MACO1: variants seen among roughly 807,000 people sequenced by gnomAD.
MACO1 encodes macoilin.
Under a neutral mutation model 78.7 loss-of-function variants are expected in MACO1, and 14 were observed. The observed-to-expected ratio is 0.18, with a 90% confidence interval of 0.12 to 0.28. MACO1 has a LOEUF of 0.28. Ranked by LOEUF, MACO1 falls within the 10% of genes least tolerant of loss-of-function variation. The pLI is 1.00. For missense variants in MACO1, 501 were observed against 799.0 expected (o/e 0.63, Z 4.50); for synonymous variants, 288 against 291.6 (o/e 0.99, Z 0.12).
chr1:25,454,119 T>C, intron 3 of MACO1, 140 bp from the exon 4 acceptor site: 1 of 1,001,088 alleles, frequency 1.0e-6, no homozygotes, highest in Non-Finnish European at 1.3e-6. Flanking sequence ...AAGCTTTCAG[T>C]TTGGATCAGT....
intron 3 of MACO1, among the ~76,000 whole-genome samples, chr1:25,452,201 T>TA: frequency 6.6e-6 from 1 of 152,280 alleles, no homozygotes; most frequent in Admixed American, 6.5e-5. Flanking sequence ...AGTTTGAAGA[T>TA]ACTATGATTT....
At chr1:25,480,929 A>AATATATATATATAT (rs202050214) in intron 6 of MACO1, among the ~76,000 whole-genome samples, 3 of 47,886 alleles carry the variant, frequency 6.3e-5, no homozygotes, top group Admixed American at 3.1e-4. Flanking sequence ...AAAAAAAAAA[A>AATATATATATATAT]ATATATATAT....
chr1:25,445,953 C>A (rs1014137303), intron 1 of MACO1, among the ~76,000 whole-genome samples: 1 of 152,106 alleles, frequency 6.6e-6, no homozygotes, highest in Admixed American at 6.5e-5. Context: ...GGAAAATTGA[C>A]CTATAGAGTA....
At chr1:25,469,050 C>G (rs2043243965) in intron 6 of MACO1, among the ~76,000 whole-genome samples, 1 of 151,592 alleles carries the variant, frequency 6.6e-6, no homozygotes, top group Admixed American at 6.6e-5. Flanking sequence ...ACCATGTTGC[C>G]CAGGCTGGTC....
intron 1 of MACO1, among the ~76,000 whole-genome samples, chr1:25,441,278 C>T (rs1180178887): frequency 1.3e-5 from 2 of 151,816 alleles, no homozygotes; most frequent in Admixed American, 6.6e-5. Context: ...GTAACCTCCA[C>T]CTCCTGGGTT....
Position 25,484,131 on chromosome 1 carries a change from T to C in MACO1, c.1170T>C (p.Ile390=). 6.2e-7 allele frequency: 1 copy of C among 1,611,240 alleles called. No individual in the cohort carries two copies. The highest frequency in any genetic ancestry group is 8.5e-7 in the Non-Finnish European group (1 of 1,179,194). The change falls in exon 7 of 11, where the codon ATT becomes ATC. Residue 390 remains isoleucine, a synonymous_variant. Coordinates refer to ENST00000374343, the MANE Select transcript of MACO1 (RefSeq NM_018202.6). The part of the protein sequence containing the change: ...PDALVRLEQD[I]KKLKADLQAS... ...ATTCTCCTAGGCTGGAACAAGACAT[T>C]AAAAAGTTAAAGGCTGACCTGCAAG...
intron 6 of MACO1, among the ~76,000 whole-genome samples, chr1:25,470,010 T>A (rs899477186): frequency 3.9e-5 from 6 of 152,210 alleles, no homozygotes; most frequent in African/African-American, 1.4e-4. Flanking sequence ...GGGTACTTAT[T>A]TTTTGTTTCT....
intron 1 of MACO1, among the ~76,000 whole-genome samples, chr1:25,439,849 T>A (rs1406459198): frequency 6.6e-6 from 1 of 151,592 alleles, no homozygotes; most frequent in African/African-American, 2.4e-5. Context: ...AGAAACCCCG[T>A]CTCTACTAAA....
At chr1:25,443,548 GA>G (rs1484243551) in intron 1 of MACO1, among the ~76,000 whole-genome samples, 1 of 152,134 alleles carries the variant, frequency 6.6e-6, no homozygotes, top group Non-Finnish European at 1.5e-5. Context: ...TGTTTGAAAA[GA>G]AATGTATCAA....
At chr1:25,486,546 ATTAT>A (rs886193564) in intron 8 of MACO1, among the ~76,000 whole-genome samples, 1 of 152,108 alleles carries the variant, frequency 6.6e-6, no homozygotes, top group Non-Finnish European at 1.5e-5. Context: ...AGGGTAAATT[ATTAT>A]TTATTTCACT....
chr1:25,460,115 G>A (rs911845704), intron 6 of MACO1, among the ~76,000 whole-genome samples: 2 of 152,156 alleles, frequency 1.3e-5, no homozygotes, highest in African/African-American at 2.4e-5. Context: ...TAAACTAAGC[G>A]AGGTATATTT....
In MACO1 at chr1:25,430,958, T is replaced by TC. The variant is rs928312534; in HGVS notation, c.-135dup. The TC allele has an allele frequency of 3.4e-5, 6 of 176,904 alleles. No homozygotes were observed. Among genetic ancestry groups the TC allele is most frequent in the South Asian group, 5.3e-5 (1 of 18,706 alleles). 11.0% of individuals were successfully genotyped at this position (176,904 alleles called of 1,614,324 possible). On this transcript the variant is annotated 5_prime_UTR_variant, in exon 1 of 11. Coordinates refer to ENST00000374343, the MANE Select transcript of MACO1 (RefSeq NM_018202.6). ...AGCCCCCCCTCCCCGTGCTACCCCC[T>TC]CCCCCCGGGTGCTGGCTCCATGTCT...
chr1:25,465,780 C>A (rs1346887638), intron 6 of MACO1, among the ~76,000 whole-genome samples: 1 of 152,172 alleles, frequency 6.6e-6, no homozygotes, highest in Admixed American at 6.6e-5. Context: ...CCTCGTCTTT[C>A]CGAGTCTGCA....
chr1:25,472,936 A>T (rs1401351505), intron 6 of MACO1, among the ~76,000 whole-genome samples: 1 of 152,210 alleles, frequency 6.6e-6, no homozygotes, highest in Non-Finnish European at 1.5e-5. Flanking sequence ...AAAACTAGAC[A>T]CTTAGATGTT....
chr1:25,464,818 A>T (rs1177851223), intron 6 of MACO1, among the ~76,000 whole-genome samples: 3 of 151,606 alleles, frequency 2.0e-5, no homozygotes, highest in Non-Finnish European at 2.9e-5. Context: ...CACCATGCCC[A>T]GCTAATTTTT....
chr1:25,439,145 TAA>T (rs2042945421), intron 1 of MACO1, among the ~76,000 whole-genome samples: 1 of 152,158 alleles, frequency 6.6e-6, no homozygotes, highest in African/African-American at 2.4e-5. Context: ...ATTTTAGATT[TAA>T]TTAAACAGAA....
intron 5 of MACO1, 110 bp downstream of exon 5, chr1:25,456,941 A>G (rs2124585006): frequency 9.0e-7 from 1 of 1,116,402 alleles, no homozygotes; most frequent in East Asian, 2.6e-5. Context: ...TTTCTGTCTA[A>G]TGGTGTTCCT....
At chr1:25,442,547 G>A (rs575722849) in intron 1 of MACO1, among the ~76,000 whole-genome samples, 1 of 152,320 alleles carries the variant, frequency 6.6e-6, no homozygotes, top group South Asian at 2.1e-4. Flanking sequence ...TGATCTAGAT[G>A]ATAAGCAGCT....
chr1:25,470,862 T>C (rs2043261239), intron 6 of MACO1, among the ~76,000 whole-genome samples: 1 of 151,838 alleles, frequency 6.6e-6, no homozygotes, highest in South Asian at 2.1e-4. Context: ...ACCCCATCTC[T>C]ACTAAAAATA....
Sources: allele counts gnomAD v4.1 joint callset (sites outside exome capture counted in the v4.1 genomes callset), GRCh38; gene constraint gnomAD v4.1.1; transcripts MANE v1.5; gene names NCBI Gene and HGNC (gene_info 2026-07-23, HGNC 2026-07-21).